SDC2: variants seen among roughly 807,000 people sequenced by gnomAD.
SDC2 encodes the protein syndecan-2.
SDC2 carries 13 observed loss-of-function variants against 22.2 expected under a neutral mutation model. The ratio of observed to expected loss-of-function variants is 0.59; its 90% confidence interval spans 0.38 to 0.93. The LOEUF (loss-of-function observed/expected upper bound fraction) is 0.93. SDC2 is among the 40% of genes least tolerant of loss of function. The probability of loss-of-function intolerance (pLI) is 0.00; values close to 1 mark genes in which losing one functional copy is unlikely to be tolerated. For missense variants in SDC2, 235 were observed against 246.8 expected, an observed-to-expected ratio of 0.95 and a Z score of 0.32; for synonymous variants, 94 against 92.8, an observed-to-expected ratio of 1.01 and a Z score of -0.07.
chr8:96,569,447 AC>A (rs1371041334), intron 1 of SDC2, among the ~76,000 whole-genome samples: 2 of 152,044 alleles, frequency 1.3e-5, no homozygotes, highest in African/African-American at 4.8e-5. Context: ...CAGAGTATCT[AC>A]CTCCTGGATT....
chr8:96,518,076 T>G (rs1426230627), intron 1 of SDC2, among the ~76,000 whole-genome samples: 1 of 152,090 alleles, frequency 6.6e-6, no homozygotes, highest in East Asian at 1.9e-4. Flanking sequence ...ATTTTAGATA[T>G]CTCTAGTCCT....
chr8:96,593,120 G>A (rs1814812860), intron 1 of SDC2, among the ~76,000 whole-genome samples: 1 of 152,220 alleles, frequency 6.6e-6, no homozygotes, highest in Admixed American at 6.5e-5. Context: ...TTTCCAGTAA[G>A]GGAGTGACAA....
intron 1 of SDC2, among the ~76,000 whole-genome samples, chr8:96,496,606 T>A (rs999933456): frequency 6.6e-5 from 10 of 152,080 alleles, no homozygotes; most frequent in African/African-American, 1.9e-4. Context: ...TAAAAAAAAA[T>A]TAGCAATTAC....
At chr8:96,582,397 A>T (rs1425654260) in intron 1 of SDC2, among the ~76,000 whole-genome samples, 2 of 152,200 alleles carry the variant, frequency 1.3e-5, no homozygotes, top group Non-Finnish European at 2.9e-5. Flanking sequence ...CCTACCGTTC[A>T]GAACAGTTTC....
intron 4 of SDC2, among the ~76,000 whole-genome samples, chr8:96,608,710 G>C (rs997238133): frequency 3.3e-5 from 5 of 152,344 alleles, no homozygotes; most frequent in East Asian, 1.9e-4. Flanking sequence ...GCCTAAAAGA[G>C]GGAAAGTTAA....
chr8:96,588,883 A>G (rs1814730188), intron 1 of SDC2, among the ~76,000 whole-genome samples: 1 of 152,242 alleles, frequency 6.6e-6, no homozygotes, highest in Admixed American at 6.5e-5. Context: ...TTTCTAAATA[A>G]CAGATTTCCA....
intron 1 of SDC2, among the ~76,000 whole-genome samples, chr8:96,565,052 G>A (rs1312923071): frequency 1.8e-5 from 2 of 111,378 alleles, no homozygotes; most frequent in Admixed American, 9.3e-5. Context: ...AGTGTGGTAA[G>A]CATACTGATC....
At chr8:96,541,531 A>T (rs993540524) in intron 1 of SDC2, among the ~76,000 whole-genome samples, 33 of 151,462 alleles carry the variant, frequency 2.2e-4, no homozygotes, top group Non-Finnish European at 5.9e-5. Flanking sequence ...AAAGAAGGAA[A>T]TAATGCTACA....
At chr8:96,608,590 G>A (rs1346870821) in intron 4 of SDC2, 120 bp downstream of exon 4, 2 of 877,324 alleles carry the variant, frequency 2.3e-6, no homozygotes, top group Non-Finnish European at 3.4e-6. Flanking sequence ...AGTCTTGTGG[G>A]TGCTTGATTC....
At chr8:96,590,994 G>A (rs1814771441) in intron 1 of SDC2, among the ~76,000 whole-genome samples, 1 of 152,156 alleles carries the variant, frequency 6.6e-6, no homozygotes, top group South Asian at 2.1e-4. Context: ...AGGCCTGACG[G>A]CTGTCCCAGG....
intron 1 of SDC2, among the ~76,000 whole-genome samples, chr8:96,524,955 G>T (rs528039225): frequency 6.6e-6 from 1 of 152,146 alleles, no homozygotes; most frequent in Non-Finnish European, 1.5e-5. Context: ...CAGTTTGAGT[G>T]AGACAAGACT....
At chr8:96,497,323 A>T (rs1236088649) in intron 1 of SDC2, among the ~76,000 whole-genome samples, 3 of 152,188 alleles carry the variant, frequency 2.0e-5, no homozygotes, top group African/African-American at 7.2e-5. Context: ...TTATAAAAAC[A>T]AGGGCTCTTT....
intron 1 of SDC2, among the ~76,000 whole-genome samples, chr8:96,506,491 A>G (rs954659650): frequency 1.3e-5 from 2 of 152,154 alleles, no homozygotes; most frequent in East Asian, 3.9e-4. Flanking sequence ...GTGAAAACTT[A>G]TAAGAGACGG....
At chr8:96,588,310 G>C (rs1332900489) in intron 1 of SDC2, among the ~76,000 whole-genome samples, 1 of 152,192 alleles carries the variant, frequency 6.6e-6, no homozygotes, top group Non-Finnish European at 1.5e-5. Context: ...CTTTGGGCTA[G>C]ACCTAAGCCA....
At chr8:96,528,328 A>G (rs574043095) in intron 1 of SDC2, among the ~76,000 whole-genome samples, 1 of 152,338 alleles carries the variant, frequency 6.6e-6, no homozygotes, top group South Asian at 2.1e-4. Context: ...AGTACATAAC[A>G]GTATTCATTT....
intron 1 of SDC2, among the ~76,000 whole-genome samples, chr8:96,536,888 G>A (rs1586287025): frequency 1.3e-5 from 2 of 152,196 alleles, no homozygotes; most frequent in Admixed American, 1.3e-4. Context: ...TGGATAACTG[G>A]CAGGTAACTC....
chr8:96,598,579 T>C (rs1814921434), intron 2 of SDC2, among the ~76,000 whole-genome samples: 1 of 152,014 alleles, frequency 6.6e-6, no homozygotes. Flanking sequence ...GATTGCACTA[T>C]TGCACTCCAG....
At chr8:96,528,329 G>A (rs1586281548) in intron 1 of SDC2, among the ~76,000 whole-genome samples, 1 of 152,044 alleles carries the variant, frequency 6.6e-6, no homozygotes, top group Admixed American at 6.5e-5. Context: ...GTACATAACA[G>A]TATTCATTTT....
chr8:96,565,171 G>A (rs1281401000), intron 1 of SDC2, among the ~76,000 whole-genome samples: 4 of 128,702 alleles, frequency 3.1e-5, no homozygotes, highest in East Asian at 4.7e-4. Flanking sequence ...TGCAACCTCC[G>A]CCTCCCGGGT....
Sources: gnomAD v4.1 joint callset for allele counts (sites outside exome capture counted in the v4.1 genomes callset) on GRCh38, gnomAD v4.1.1 for gene constraint, MANE v1.5 for transcripts, NCBI Gene and HGNC (gene_info 2026-07-23, HGNC 2026-07-21) for gene names.